Variants in SPATA1 observed in about 807,000 individuals in gnomAD.
SPATA1 encodes spermatogenesis associated 1.
In SPATA1, 57 loss-of-function variants were observed where a neutral mutation model predicts 59.6. The ratio of observed to expected loss-of-function variants is 0.96; its 90% CI spans 0.77 to 1.19. The LOEUF is 1.19. Among genes scored for constraint, SPATA1 ranks in the 50% most tolerant of loss-of-function variants. The probability of loss-of-function intolerance (pLI) is 0.00; values close to 1 mark genes in which losing one functional copy is unlikely to be tolerated. For missense variants in SPATA1, 448 were observed against 480.7 expected, an observed-to-expected ratio of 0.93 and a Z score of 0.64; for synonymous variants, 147 against 163.9, an observed-to-expected ratio of 0.90 and a Z score of 0.79.
intron 8 of SPATA1, among the ~76,000 whole-genome samples, 165 bp from the exon 9 acceptor site, chr1:84,544,037 C>G (rs1683998476): frequency 6.6e-6 from 1 of 152,006 alleles, no homozygotes; most frequent in Non-Finnish European, 1.5e-5. Flanking sequence ...AATACAGAGA[C>G]CAGAACATGG....
At chr1:84,539,227 C>G (rs1169597535) in intron 8 of SPATA1, among the ~76,000 whole-genome samples, 1 of 152,212 alleles carries the variant, frequency 6.6e-6, no homozygotes, top group Non-Finnish European at 1.5e-5. Flanking sequence ...GGTTTGGGAG[C>G]AAAGGCATAC....
intron 6 of SPATA1, 138 bp downstream of exon 6, chr1:84,526,211 G>A (rs532347464): frequency 9.7e-5 from 63 of 651,526 alleles, no homozygotes; most frequent in African/African-American, 6.5e-4. Context: ...TCCACTTGGG[G>A]ATTTCTAAAA....
rs373710353 is a variant in SPATA1 at position 84,522,556 on chromosome 1, C to A, written c.261+49C>A. 3.5e-5 allele frequency: 33 copies of A among 934,300 alleles called. No homozygotes were observed. The African/African-American group carries it at 5.2e-4, about 15-fold the overall frequency. 57.9% of individuals were successfully genotyped at this position (934,300 alleles called of 1,614,324 possible). A position where few individuals can be genotyped will look rare whatever the true frequency, so the allele number is the denominator to read the frequency against. On this transcript the variant is annotated intron_variant, in intron 4 of 12. Coordinates refer to ENST00000490879, the Ensembl canonical transcript of SPATA1. ...CTGATTGAGAAAGACCATACCTTCTCAAATTACATTTCTTAAATGCTTATC... is the reference window on the plus strand; with the variant it reads ...CTGATTGAGAAAGACCATACCTTCTAAAATTACATTTCTTAAATGCTTATC...
At chr1:84,521,477 T>G in intron 3 of SPATA1, among the ~76,000 whole-genome samples, 1 of 152,176 alleles carries the variant, frequency 6.6e-6, no homozygotes, top group South Asian at 2.1e-4. Context: ...CTCAGGACCC[T>G]TGTACTTTCT....
chr1:84,549,646 C>T (rs533351974), intron 11 of SPATA1: 18 of 151,920 alleles, frequency 1.2e-4, no homozygotes, highest in Non-Finnish European at 1.8e-4. Context: ...ATTAATTCCA[C>T]CATATAATTA....
chr1:84,545,716 G>A (rs775127157), exon 10 of SPATA1: 7 of 1,534,344 alleles, frequency 4.6e-6, no homozygotes, highest in Non-Finnish European at 5.2e-6. Flanking sequence ...TAGTAAAAAC[G>A]GTTGAAAAGC....
At chr1:84,548,787 C>G (rs1244405298) in exon 11 of SPATA1, 2 of 652,944 alleles carry the variant, frequency 3.1e-6, no homozygotes, top group East Asian at 8.0e-5. Context: ...TTTTTATAGC[C>G]TACAATGGTT....
intron 1 of SPATA1, among the ~76,000 whole-genome samples, chr1:84,510,328 G>A (rs4907078): frequency 0.38 from 58,329 of 151,904 alleles, 12,753 homozygotes; most frequent in African/African-American, 0.59. Context: ...CTAATAACCC[G>A]CTTTAAAAAT....
chr1:84,561,244 T>C (rs1411133057), intron 4 of SPATA1, among the ~76,000 whole-genome samples: 9 of 152,164 alleles, frequency 5.9e-5, no homozygotes, highest in Non-Finnish European at 1.0e-4. Context: ...ACAACCCTCA[T>C]GGATGACATT....
chr1:84,557,246 G>A (rs1684461581), downstream of SPATA1, among the ~76,000 whole-genome samples: 1 of 152,134 alleles, frequency 6.6e-6, no homozygotes, highest in African/African-American at 2.4e-5. Flanking sequence ...TAATAAAAAA[G>A]AGGGGGCCAG....
At chr1:84,559,178 G>A (rs559474949), downstream of SPATA1, among the ~76,000 whole-genome samples, 92 of 152,178 alleles carry the variant, frequency 6.0e-4, 1 homozygote, top group South Asian at 0.018. Flanking sequence ...TGCTCATTTT[G>A]TGTCTGTGTC....
At chr1:84,507,381 CG>C (rs1682314783) in intron 1 of SPATA1, 1 of 152,162 alleles carries the variant, frequency 6.6e-6, no homozygotes. Context: ...TTAATTCATA[CG>C]GATGTAATGA....
intron 1 of SPATA1, 134 bp downstream of exon 1, chr1:84,506,552 C>G (rs1682254114): frequency 6.5e-6 from 1 of 154,220 alleles, no homozygotes; most frequent in African/African-American, 2.4e-5. Flanking sequence ...GTTTTCCTCC[C>G]AGTTTGTGGG....
intron 3 of SPATA1, among the ~76,000 whole-genome samples, chr1:84,521,078 T>G (rs1341017143): frequency 1.3e-5 from 2 of 151,102 alleles, no homozygotes; most frequent in African/African-American, 4.9e-5. Context: ...AGCACTGCAC[T>G]CTAGTCTGGG....
intron 8 of SPATA1, among the ~76,000 whole-genome samples, chr1:84,540,447 GCT>G (rs1468281815): frequency 3.3e-5 from 5 of 151,570 alleles, no homozygotes; most frequent in Non-Finnish European, 7.4e-5. Context: ...CTAAAATTAT[GCT>G]CTGACTCCTC....
chr1:84,518,721 T>C (rs1466071423), intron 2 of SPATA1, among the ~76,000 whole-genome samples: 1 of 151,804 alleles, frequency 6.6e-6, no homozygotes, highest in African/African-American at 2.4e-5. Flanking sequence ...TTTATCTCTT[T>C]CTGGAACTCT....
chr1:84,561,158 A>G (rs753944429), intron 4 of SPATA1, among the ~76,000 whole-genome samples: 3 of 152,214 alleles, frequency 2.0e-5, no homozygotes, highest in Admixed American at 1.3e-4. Flanking sequence ...TCTAGATGCC[A>G]TTAAGAACAT....
At chr1:84,552,957 C>A (rs2102011390) in intron 12 of SPATA1, 3 of 952,640 alleles carry the variant, frequency 3.1e-6, no homozygotes, top group South Asian at 1.6e-5. Flanking sequence ...TTACAAAAAC[C>A]CTGTTTACAT....
intron 4 of SPATA1, chr1:84,563,394 C>T (rs15911): frequency 0.21 from 325,218 of 1,568,514 alleles, 36,090 homozygotes; most frequent in South Asian, 0.3. Flanking sequence ...CGGAAAGGGA[C>T]TTTTGCAATG....
Sources: allele counts gnomAD v4.1 joint callset (sites outside exome capture counted in the v4.1 genomes callset), GRCh38; gene constraint gnomAD v4.1.1; transcripts MANE v1.5; gene names NCBI Gene and HGNC (gene_info 2026-07-23, HGNC 2026-07-21).